Variants in ARAP3 observed in about 807,000 individuals in gnomAD.
ARAP3 encodes ArfGAP with RhoGAP domain, ankyrin repeat and PH domain 3.
A neutral mutation model predicts 169.2 loss-of-function variants in ARAP3; 82 were observed. That is an observed-to-expected ratio of 0.48 (90% CI 0.41 to 0.58). The LOEUF is 0.58. Ranked by LOEUF, ARAP3 falls within the 20% of genes least tolerant of loss-of-function variation. The pLI is 0.00. For synonymous variants in ARAP3, 791 were observed against 800.3 expected (o/e 0.99, Z 0.20); for missense variants, 1,764 against 2,018.0 (o/e 0.87, Z 2.41).
intron 16 of ARAP3, 86 bp from the exon 17 acceptor site, chr5:141,666,729 C>T (rs866970789): frequency 2.6e-5 from 16 of 623,700 alleles, no homozygotes; most frequent in African/African-American, 1.9e-4. Context: ...ACCGGGGTAG[C>T]GAAAAGCAGA....
chr5:141,673,204 C>T, intron 6 of ARAP3, 71 bp from the exon 7 acceptor site: 1 of 1,603,780 alleles, frequency 6.2e-7, no homozygotes, highest in Non-Finnish European at 8.5e-7. Flanking sequence ...TGGGTCCTGC[C>T]CCAGATTTTA....
chr5:141,678,543 C>CT (rs904478886), intron 4 of ARAP3, among the ~76,000 whole-genome samples: 67 of 148,140 alleles, frequency 4.5e-4, no homozygotes, highest in African/African-American at 8.8e-4. Context: ...CCCAAGCCCT[C>CT]TTTTTTTTTT....
intron 4 of ARAP3, 34 bp downstream of exon 4, chr5:141,679,511 C>G: frequency 2.3e-5 from 36 of 1,590,256 alleles, no homozygotes; most frequent in East Asian, 4.5e-5. Flanking sequence ...CTCACCTGCT[C>G]CTCCCTCCCA....
chr5:141,655,669 G>A lies in ARAP3; in HGVS notation c.4062C>T (p.Ile1354=). 6.2e-7 allele frequency: 1 copy of A among 1,614,220 alleles called. No individual in the cohort carries two copies. The highest frequency in any genetic ancestry group is 1.1e-5 in the South Asian group (1 of 91,086). ...GGGTGGCTCCACTGTCATCCCCACG[G>A]ATAGGCAGCAAAGGCATAGTGCCAA... is the stretch of plus-strand genomic sequence containing the variant. ...QKFGTMPLLP[I]RGDDSGATLL... Residue 1354 remains isoleucine (I), a synonymous_variant, in exon 31 of 33, where the codon ATC becomes ATT. Coordinates refer to ENST00000239440, the MANE Select transcript of ARAP3 (RefSeq NM_022481.6).
chr5:141,667,435 CTTTTTTT>C (rs745903742), intron 16 of ARAP3, among the ~76,000 whole-genome samples: 1 of 139,528 alleles, frequency 7.2e-6, no homozygotes, highest in African/African-American at 2.6e-5. Context: ...TACTTTCTTT[CTTTTTTT>C]TTTTTTTTGA....
intron 22 of ARAP3, 118 bp from the exon 23 acceptor site, chr5:141,659,594 G>T: frequency 2.3e-6 from 3 of 1,330,686 alleles, no homozygotes; most frequent in South Asian, 2.5e-5. Flanking sequence ...AGAACCAAGG[G>T]GGTGAGGATG....
chr5:141,680,145 A>G lies in ARAP3; in HGVS notation c.342T>C (p.Pro114=). ...GTCCCCCGAGGGCTGGGCTCAGCCC[A>G]GGTCTCTGAGTGGTGGCAGGGCCAC... ...GLSGPATTQR[P]GLSPALGGPG... The change falls in exon 2 of 33, where the codon CCT becomes CCC. Residue 114 remains proline (P), a synonymous_variant. Coordinates refer to ENST00000239440, the MANE Select transcript of ARAP3 (RefSeq NM_022481.6). 1.2e-6 allele frequency: 2 copies of G among 1,608,224 alleles called. No homozygotes were observed. Among genetic ancestry groups the G allele is most frequent in the Non-Finnish European group, 1.7e-6 (2 of 1,176,104 alleles).
Position 141,672,477 on chromosome 5 carries a change from G to C in ARAP3, c.1385+75C>G. 2 of 1,545,602 alleles carry C rather than the reference G, an allele frequency of 1.3e-6. No individual in the cohort carries two copies. Among genetic ancestry groups the C allele is most frequent in the Non-Finnish European group, 1.8e-6 (2 of 1,133,920 alleles). ...ATACCCTCTGACGTCCTACTAAAGA[G>C]GCCTCTAGTCCTCTGCACCCTTGTG... On this transcript the variant is annotated intron_variant, in intron 9 of 32. Transcript: ENST00000239440. This position sits in a 1 kb window ranked among gnomAD's most constrained non-coding sequence, Gnocchi z 4.9.
chr5:141,676,190 G>T (rs1182668714), intron 4 of ARAP3, among the ~76,000 whole-genome samples: 1 of 152,030 alleles, frequency 6.6e-6, no homozygotes, highest in Non-Finnish European at 1.5e-5. Context: ...TCTACTAAAA[G>T]TACAAAAATT....
Position 141,673,109 on chromosome 5 carries a change from G to C in ARAP3, c.997C>G (p.Pro333Ala). 1 of 1,614,196 alleles carries C rather than the reference G, an allele frequency of 6.2e-7. No homozygotes were observed. The highest frequency in any genetic ancestry group is 8.5e-7 in the Non-Finnish European group (1 of 1,180,026). Residue 333 changes from proline (P) to alanine (A), a missense_variant, in exon 7 of 33, where the codon CCT becomes GCT. By Grantham distance (27) the Pro-to-Ala change is conservative. Transcript: ENST00000239440. The part of the protein sequence containing the change: ...DKDPFPKGVI[P>A]LTAIEMTRSS... ...CGGGTCATCTCAATGGCAGTCAAAG[G>C]TATCACACCCTTAGGGAAGGGGTCC...
intron 21 of ARAP3, among the ~76,000 whole-genome samples, chr5:141,661,078 T>C (rs1440495595): frequency 6.6e-6 from 1 of 151,360 alleles, no homozygotes; most frequent in Non-Finnish European, 1.5e-5. Context: ...TTTTTTTTTT[T>C]TTTGAGACAA....
In ARAP3 at chr5:141,680,164, G is replaced by A; in HGVS notation, c.323C>T (p.Pro108Leu). 2 of 1,607,192 alleles carry A rather than the reference G, an allele frequency of 1.2e-6. No homozygotes were observed. The highest frequency in any genetic ancestry group is 1.7e-6 in the Non-Finnish European group (2 of 1,175,226). The change falls in exon 2 of 33, where the codon CCT (proline) becomes CTT (leucine). Residue 108 changes from proline to leucine, a missense_variant. Pro to Leu is a moderately conservative substitution (Grantham distance 98). Around this residue, in one of 3 missense-constraint regions of ARAP3, gnomAD observed 630 missense variants for 678.7 expected, o/e 0.93. Transcript: ENST00000239440. ...CAGCCCAGGTCTCTGAGTGGTGGCAGGGCCACTGAGTCCACCAAACACGGT... is the reference window on the plus strand; with the variant it reads ...CAGCCCAGGTCTCTGAGTGGTGGCAAGGCCACTGAGTCCACCAAACACGGT... The part of the protein sequence containing the change: ...PRTVFGGLSG[P>L]ATTQRPGLSP...
At chr5:141,660,679 C>T (rs1387626450) in intron 21 of ARAP3, among the ~76,000 whole-genome samples, 3 of 152,050 alleles carry the variant, frequency 2.0e-5, no homozygotes, top group African/African-American at 7.2e-5. Flanking sequence ...TGGGATGTCT[C>T]ACTATGTTAC....
intron 15 of ARAP3, 55 bp from the exon 16 acceptor site, chr5:141,669,866 G>A: frequency 4.3e-6 from 7 of 1,610,296 alleles, no homozygotes; most frequent in Admixed American, 1.7e-5. Flanking sequence ...GGGCTGTCAG[G>A]CTGGAGGTTG....
At chr5:141,674,348 T>G (rs1207133940) in intron 4 of ARAP3, among the ~76,000 whole-genome samples, 1 of 152,094 alleles carries the variant, frequency 6.6e-6, no homozygotes, top group African/African-American at 2.4e-5. Context: ...GTCTCAAACT[T>G]CTGGGCTCAA....
At chr5:141,660,049 G>A in intron 21 of ARAP3, 123 bp from the exon 22 acceptor site, 30 of 1,294,578 alleles carry the variant, frequency 2.3e-5, no homozygotes, top group Non-Finnish European at 3.1e-5. Flanking sequence ...TTGGCCTCAA[G>A]GAGCTCCCAG....
intron 1 of ARAP3, chr5:141,680,713 G>A (rs1201690623): frequency 1.3e-6 from 1 of 776,556 alleles, no homozygotes; most frequent in Non-Finnish European, 1.9e-6. Context: ...TAAGGAAACT[G>A]AGGCCCAGAG....
intron 4 of ARAP3, among the ~76,000 whole-genome samples, chr5:141,675,348 A>T (rs2099912021): frequency 6.6e-6 from 1 of 152,198 alleles, no homozygotes; most frequent in Non-Finnish European, 1.5e-5. Flanking sequence ...TCCACACCAG[A>T]CACTTAAATG....
intron 31 of ARAP3, 92 bp from the exon 32 acceptor site, chr5:141,655,492 G>A: frequency 6.4e-7 from 1 of 1,572,134 alleles, no homozygotes; most frequent in Non-Finnish European, 8.7e-7. Flanking sequence ...GAATGGGGGT[G>A]AAGAAGGCAG....
Sources: allele counts gnomAD v4.1 joint callset (sites outside exome capture counted in the v4.1 genomes callset), GRCh38; gene constraint gnomAD v4.1.1; regional missense constraint gnomAD v4.1.1; non-coding constraint Gnocchi (gnomAD v3.1); transcripts MANE v1.5; gene names NCBI Gene and HGNC (gene_info 2026-07-23, HGNC 2026-07-21).